PPFIBP2: variants seen among roughly 807,000 people sequenced by gnomAD.
The protein encoded by PPFIBP2 is PPFIB scaffold protein 2.
A neutral mutation model predicts 118.3 loss-of-function variants in PPFIBP2; 118 were observed. The ratio of observed to expected loss-of-function variants is 1.00; its 90% CI spans 0.86 to 1.16. PPFIBP2 has a LOEUF of 1.16. Ranked by LOEUF, PPFIBP2 falls within the 50% of genes most tolerant of loss-of-function variation. The pLI, the probability that PPFIBP2 is intolerant of heterozygous loss-of-function variation, is 0.00. For synonymous variants in PPFIBP2, 414 were observed against 397.4 expected (o/e 1.04, Z -0.50); for missense variants, 1,195 against 1,073.1 (o/e 1.11, Z -1.59).
chr11:7,659,095 C>T (rs1273301439), downstream of PPFIBP2, among the ~76,000 whole-genome samples: 1 of 148,058 alleles, frequency 6.8e-6, no homozygotes, highest in Non-Finnish European at 1.5e-5. Context: ...TTGTAGGTTG[C>T]CTGTTCACTC....
Position 7,565,717 on chromosome 11 carries a change from A to C in PPFIBP2, c.229A>C (p.Ile77Leu). 6.2e-7 allele frequency: 1 copy of C among 1,614,106 alleles called. No homozygotes were observed. Among genetic ancestry groups the C allele is most frequent in the Non-Finnish European group, 8.5e-7 (1 of 1,180,016 alleles). ...PQERAALLSQ[I>L]PGPTAAYIKE... The stretch of plus-strand genomic sequence containing the variant: ...GGAGAGAGCAGCCCTCCTGAGCCAG[A>C]TCCCTGGCCCAACAGCTGCCTACAT... Residue 77 changes from isoleucine to leucine, a missense_variant, in exon 3 of 24, where the codon ATC becomes CTC. Ile to Leu is a conservative substitution (Grantham distance 5, BLOSUM62 2). Coordinates refer to ENST00000299492, the MANE Select transcript of PPFIBP2 (RefSeq NM_003621.5).
chr11:7,539,924 CCACCCAG>C (rs1851603111), intron 1 of PPFIBP2, among the ~76,000 whole-genome samples: 1 of 152,188 alleles, frequency 6.6e-6, no homozygotes, highest in Non-Finnish European at 1.5e-5. Context: ...TTGTGAACTC[CCACCCAG>C]TTTTGAATCT....
In PPFIBP2 at chr11:7,582,380, G is replaced by A. The variant is rs532262095; in HGVS notation, c.280-10752G>A. ...TCTGGCCAACACACCCGAGATGCCT[G>A]TACATTATGTTTCCTGGTATAATTT... On this transcript the variant is annotated intron_variant, in intron 3 of 23. Coordinates refer to ENST00000299492, the MANE Select transcript of PPFIBP2 (RefSeq NM_003621.5). Among the ~76,000 whole-genome samples, 4 of 152,284 alleles carry A rather than the reference G, an allele frequency of 2.6e-5. No individual in the cohort carries two copies. The East Asian group carries it at 7.7e-4, about 29-fold the overall frequency.
At chr11:7,617,206 G>C (rs1273064160) in intron 6 of PPFIBP2, 1 of 985,328 alleles carries the variant, frequency 1.0e-6, no homozygotes, top group Non-Finnish European at 1.2e-6. Flanking sequence ...TTACTCAGTA[G>C]GGACCACCCT....
At chr11:7,591,059 T>G (rs1859191687) in intron 3 of PPFIBP2, among the ~76,000 whole-genome samples, 1 of 152,202 alleles carries the variant, frequency 6.6e-6, no homozygotes, top group African/African-American at 2.4e-5. Context: ...TGCTATAGAA[T>G]CTAGGTCATA....
rs1231382573 is a variant in PPFIBP2, at chr11:7,653,467, T to C, written c.*249T>C. Reference sequence around the variant, plus strand: ...GGAGGAAAGACACTTAAAGACACTTTTACATGTCTAGTAATTCTTGATGTT... The same window carrying C: ...GGAGGAAAGACACTTAAAGACACTTCTACATGTCTAGTAATTCTTGATGTT... On this transcript the variant is annotated 3_prime_UTR_variant, in exon 24 of 24. Coordinates refer to ENST00000299492, the MANE Select transcript of PPFIBP2 (RefSeq NM_003621.5). 1.3e-6 allele frequency: 2 copies of C among 1,484,484 alleles called. No individual in the cohort carries two copies. Among genetic ancestry groups the C allele is most frequent in the Non-Finnish European group, 1.8e-6 (2 of 1,114,932 alleles). The allele number at this position is 1,484,484 out of a possible 1,614,324, so 92.0% of individuals were successfully genotyped here. A position where few individuals can be genotyped will look rare whatever the true frequency, so the allele number is the denominator to read the frequency against.
At chr11:7,558,535 C>T (rs1053343536) in intron 2 of PPFIBP2, among the ~76,000 whole-genome samples, 1 of 152,056 alleles carries the variant, frequency 6.6e-6, no homozygotes, top group Non-Finnish European at 1.5e-5. Flanking sequence ...GCAGGCAGAT[C>T]ACGAGGTCAG....
Position 7,603,618 on chromosome 11 carries a change from T to C in PPFIBP2, c.486+5945T>C, listed in dbSNP as rs1475387015. 2.0e-5 allele frequency among the ~76,000 whole-genome samples: 3 copies of C among 152,328 alleles called. No individual in the cohort carries two copies. The East Asian group carries it at 5.8e-4, about 29-fold the overall frequency. On this transcript the variant is annotated intron_variant, in intron 5 of 23. Transcript: ENST00000299492. ...AAAGATGGAGGTAATTGCTTCAAGA[T>C]GTGGCCCTTTAAGGAGAGAATAGGT...
intron 5 of PPFIBP2, among the ~76,000 whole-genome samples, chr11:7,608,116 C>G (rs1476317773): frequency 6.6e-6 from 1 of 152,186 alleles, no homozygotes; most frequent in Non-Finnish European, 1.5e-5. Context: ...GCTTAAGGCC[C>G]TTTGTGGCCT....
At chr11:7,546,408 C>G (rs1012189882) in intron 1 of PPFIBP2, among the ~76,000 whole-genome samples, 2 of 152,206 alleles carry the variant, frequency 1.3e-5, no homozygotes, top group Admixed American at 6.5e-5. Flanking sequence ...ACAGGTCCAC[C>G]CAGCTTGCTG....
intron 2 of PPFIBP2, among the ~76,000 whole-genome samples, chr11:7,558,648 C>T (rs543395601): frequency 6.6e-5 from 10 of 151,654 alleles, no homozygotes; most frequent in East Asian, 5.8e-4. Flanking sequence ...CCCACCTACT[C>T]GGGAGGCTGA....
At chr11:7,588,241 A>G (rs1189818105) in intron 3 of PPFIBP2, among the ~76,000 whole-genome samples, 1 of 152,150 alleles carries the variant, frequency 6.6e-6, no homozygotes, top group African/African-American at 2.4e-5. Flanking sequence ...GTATCATTGT[A>G]CGGTCCAAAC....
rs1157269602 is a variant in PPFIBP2, at chr11:7,628,454, T to C, written c.888+108T>C. The C allele has an allele frequency of 1.3e-5, 13 of 1,023,048 alleles. No homozygotes were observed. In the East Asian group the frequency reaches 2.5e-4, roughly 20 times the overall value. 63.4% of individuals were successfully genotyped at this position (1,023,048 alleles called of 1,614,324 possible). ...GGACAGGACCATGCTTATCATGCCATTGACATAGGGATATGTCAGGAGAAT... is the reference window on the plus strand; with the variant it reads ...GGACAGGACCATGCTTATCATGCCACTGACATAGGGATATGTCAGGAGAAT... On this transcript the variant is annotated intron_variant, in intron 9 of 23. Coordinates refer to ENST00000299492, the MANE Select transcript of PPFIBP2 (RefSeq NM_003621.5).
chr11:7,642,625 T>A (rs1852370165), intron 17 of PPFIBP2, among the ~76,000 whole-genome samples, 199 bp downstream of exon 17: 1 of 152,226 alleles, frequency 6.6e-6, no homozygotes, highest in Admixed American at 6.5e-5. Flanking sequence ...CCAAGATCAG[T>A]ACTCCTGGAG....
downstream of PPFIBP2, among the ~76,000 whole-genome samples, chr11:7,662,102 G>A (rs1388596495): frequency 6.9e-4 from 102 of 147,992 alleles, no homozygotes; most frequent in African/African-American, 2.4e-3. Flanking sequence ...TCTTTATCCA[G>A]TTTGCCAGTC....
chr11:7,634,938 G>A (rs542817254), intron 13 of PPFIBP2, among the ~76,000 whole-genome samples: 7 of 152,238 alleles, frequency 4.6e-5, no homozygotes, highest in East Asian at 1.9e-4. Context: ...TGGGGACATC[G>A]TATAGATTTT....
At chr11:7,521,690 C>T (rs1052706442) in intron 1 of PPFIBP2, among the ~76,000 whole-genome samples, 2 of 152,258 alleles carry the variant, frequency 1.3e-5, no homozygotes, top group Non-Finnish European at 2.9e-5. Flanking sequence ...GCTGTATCAG[C>T]TCTTGTGCGT....
intron 3 of PPFIBP2, chr11:7,571,755 T>C (rs1381399900): frequency 1.3e-5 from 2 of 152,182 alleles, no homozygotes; most frequent in Admixed American, 1.3e-4. Context: ...GTCCGTGCTT[T>C]CTTTCTGCGC....
At chr11:7,629,377 A>G (rs1386986445) in intron 9 of PPFIBP2, 82 bp from the exon 10 acceptor site, 9 of 1,352,534 alleles carry the variant, frequency 6.7e-6, no homozygotes, top group Non-Finnish European at 9.5e-6. Flanking sequence ...CCTTGTGCCA[A>G]GAACATAGCG....
Sources: allele counts gnomAD v4.1 joint callset (sites outside exome capture counted in the v4.1 genomes callset), GRCh38; gene constraint gnomAD v4.1.1; transcripts MANE v1.5; gene names NCBI Gene and HGNC (gene_info 2026-07-23, HGNC 2026-07-21).